PLEKHM2: variants seen among roughly 807,000 people sequenced by gnomAD.
The protein encoded by PLEKHM2 is pleckstrin homology domain-containing family M member 2.
A neutral mutation model predicts 116.3 loss-of-function variants in PLEKHM2; 77 were observed. The observed-to-expected ratio is 0.66, with a 90% CI of 0.55 to 0.80. The LOEUF (loss-of-function observed/expected upper bound fraction) is 0.80. PLEKHM2 is among the 30% of genes least tolerant of loss of function. The pLI is 0.00. For synonymous variants in PLEKHM2, 562 were observed against 571.0 expected, an observed-to-expected ratio of 0.98 and a Z score of 0.22; for missense variants, 1,183 against 1,354.9, an observed-to-expected ratio of 0.87 and a Z score of 1.99.
chr1:15,733,396 C>A (rs556418729), intron 19 of PLEKHM2, among the ~76,000 whole-genome samples: 2 of 152,352 alleles, frequency 1.3e-5, no homozygotes, highest in African/African-American at 4.8e-5. Flanking sequence ...GGCTGAGTGC[C>A]AGTGTGGGAG....
At chr1:15,689,913 C>T (rs1435121539) in intron 1 of PLEKHM2, among the ~76,000 whole-genome samples, 2 of 152,152 alleles carry the variant, frequency 1.3e-5, no homozygotes, top group South Asian at 2.1e-4. Context: ...TGAGCCACTA[C>T]GCCTGGCTAA....
chr1:15,733,527 A>G (rs1480632963), intron 19 of PLEKHM2, among the ~76,000 whole-genome samples: 3 of 152,188 alleles, frequency 2.0e-5, no homozygotes, highest in Admixed American at 6.5e-5. Context: ...TGCAGAGCCA[A>G]ACAGAGTGCA....
In PLEKHM2 at chr1:15,732,447, G is replaced by A. The variant is rs1388614046; in HGVS notation, c.2723G>A (p.Ser908Asn). The change falls in exon 18 of 20, where the codon AGC becomes AAC. Residue 908 changes from serine (S) to asparagine (N), a missense_variant. By Grantham distance (46) the Ser-to-Asn change is conservative (BLOSUM62 1). This residue lies in a region of PLEKHM2 where 594 missense variants were observed against 720.1 expected (regional missense o/e 0.82). Coordinates refer to ENST00000375799, the MANE Select transcript of PLEKHM2 (RefSeq NM_015164.4). The part of the protein sequence containing the change: ...LFTCHEDCQT[S>N]FFRSLGTAKL... Reference sequence around the variant, plus strand: ...ACGTGCCATGAGGATTGCCAGACCAGCTTCTTCCGCTCTTTGGGCACAGCC... The same window carrying A: ...ACGTGCCATGAGGATTGCCAGACCAACTTCTTCCGCTCTTTGGGCACAGCC... 16 of 1,596,070 alleles carry A rather than the reference G, an allele frequency of 1.0e-5. No homozygotes were observed. The highest frequency in any genetic ancestry group is 1.4e-5 in the Non-Finnish European group (16 of 1,171,750).
Position 15,714,036 on chromosome 1 carries a change from A to C in PLEKHM2, c.61-2201A>C, listed in dbSNP as rs1198422163. On this transcript the variant is annotated intron_variant, in intron 1 of 19. Coordinates refer to ENST00000375799, the MANE Select transcript of PLEKHM2 (RefSeq NM_015164.4). The stretch of plus-strand genomic sequence containing the variant: ...AGCTCACTGCAACCTCTGCTTCCTG[A>C]GTTCAAGCAATTCTCCTTCCTCAGC... 2.7e-5 allele frequency among the ~76,000 whole-genome samples: 4 copies of C among 149,850 alleles called. No individual in the cohort carries two copies. In the East Asian group the frequency reaches 5.9e-4, roughly 22 times the overall value.
At chr1:15,683,893 C>T (rs538724487), upstream of PLEKHM2, among the ~76,000 whole-genome samples, 82 of 109,282 alleles carry the variant, frequency 7.5e-4, 1 homozygote, top group Middle Eastern at 0.018. Flanking sequence ...TCTCTGGGGT[C>T]CCTGAGGGAA....
At chr1:15,703,614 C>G (rs1641162322) in intron 1 of PLEKHM2, among the ~76,000 whole-genome samples, 1 of 152,208 alleles carries the variant, frequency 6.6e-6, no homozygotes, top group Admixed American at 6.5e-5. Context: ...GGAAGGATTT[C>G]TTCGTATCAA....
chr1:15,717,868 C>T (rs762983914), intron 3 of PLEKHM2, 25 bp from the exon 4 acceptor site: 62 of 1,492,502 alleles, frequency 4.2e-5, no homozygotes, highest in East Asian at 1.4e-4. Flanking sequence ...GCCTTCCTGC[C>T]GGTTACTCCT....
In PLEKHM2 at chr1:15,717,998, T is replaced by A; in HGVS notation, c.377+6T>A. ...CTGCATAAGTACTACGTCAAGTGAG[T>A]GTCTGGGACGGTCTGTCTCCCCTAG... On this transcript the variant is annotated splice_donor_region_variant and intron_variant, in intron 4 of 19. Transcript: ENST00000375799. 6.4e-7 allele frequency: 1 copy of A among 1,559,756 alleles called. No homozygotes were observed. Among genetic ancestry groups the A allele is most frequent in the Non-Finnish European group, 8.7e-7 (1 of 1,144,148 alleles).
intron 1 of PLEKHM2, among the ~76,000 whole-genome samples, chr1:15,687,323 G>A (rs1356161503): frequency 1.3e-5 from 2 of 151,674 alleles, no homozygotes; most frequent in Middle Eastern, 3.2e-3. Flanking sequence ...ACAGGCGCCC[G>A]CCACTATGCC....
intron 8 of PLEKHM2, 185 bp downstream of exon 8, chr1:15,725,730 G>A: frequency 1.7e-6 from 1 of 587,716 alleles, no homozygotes; most frequent in South Asian, 2.1e-5. Context: ...GTCCTAGTCA[G>A]CTCGGCTGCT....
At chr1:15,697,143 G>A (rs543173850) in intron 1 of PLEKHM2, among the ~76,000 whole-genome samples, 1 of 152,290 alleles carries the variant, frequency 6.6e-6, no homozygotes, top group East Asian at 1.9e-4. Flanking sequence ...TTAAAATGAG[G>A]CTTTGAAAAA....
At chr1:15,683,538 G>A (rs187067119), upstream of PLEKHM2, among the ~76,000 whole-genome samples, 157 of 150,148 alleles carry the variant, frequency 1.0e-3, 1 homozygote, top group East Asian at 0.022. Context: ...CTGTGGGGTC[G>A]GAGTCTCCAG....
In PLEKHM2 at chr1:15,716,731, C is replaced by T; in HGVS notation, c.192C>T (p.Tyr64=). The T allele has an allele frequency of 1.3e-6, 2 of 1,575,422 alleles. No individual in the cohort carries two copies. The highest frequency in any genetic ancestry group is 1.7e-6 in the Non-Finnish European group (2 of 1,160,250). Residue 64 remains tyrosine, a synonymous_variant, in exon 3 of 20, where the codon TAC becomes TAT. Transcript: ENST00000375799. ...LYGLQDLSSG[Y]WVLVVHFTRR... ...GACTGCAAGACCTCTCCTCTGGCTACTGGGTGCTCGTGGTGCATTTTACTC... is the reference window on the plus strand; with the variant it reads ...GACTGCAAGACCTCTCCTCTGGCTATTGGGTGCTCGTGGTGCATTTTACTC...
At chr1:15,686,346 A>G (rs892300385) in intron 1 of PLEKHM2, among the ~76,000 whole-genome samples, 1 of 152,192 alleles carries the variant, frequency 6.6e-6, no homozygotes, top group African/African-American at 2.4e-5. Flanking sequence ...CAGCTGCCTG[A>G]TTGAATCCCC....
At position 15,727,167 on chromosome 1, in the gene PLEKHM2, A is replaced by G. The variant is rs764082774; in HGVS notation, c.1095A>G (p.Pro365=). The change falls in exon 9 of 20, where the codon CCA becomes CCG. Residue 365 remains proline (P), a synonymous_variant. Coordinates refer to ENST00000375799, the MANE Select transcript of PLEKHM2 (RefSeq NM_015164.4). This position sits in a 1 kb window ranked among gnomAD's most constrained non-coding sequence, Gnocchi z 7.5. ...NGSPSLGRDS[P]DTMLASPQEE... is the part of the protein sequence containing the mutation. ...GCCCAAGCCTTGGGCGGGACTCGCC[A>G]GACACTATGCTTGCCTCCCCCCAGG... The G allele has an allele frequency of 5.0e-6, 8 of 1,602,740 alleles. 1 individual carries two copies. The highest frequency in any genetic ancestry group is 3.3e-5 in the South Asian group (3 of 89,756).
chr1:15,730,832 G>GA (rs2068132789), intron 15 of PLEKHM2, 110 bp downstream of exon 15: 1 of 846,780 alleles, frequency 1.2e-6, no homozygotes, highest in Non-Finnish European at 1.8e-6. Flanking sequence ...GCAGCCTGAG[G>GA]AGAGGACGCC....
intron 14 of PLEKHM2, 132 bp downstream of exon 14, chr1:15,730,061 GGGGCGGGGCGGGGC>G: frequency 2.9e-6 from 1 of 339,960 alleles, no homozygotes; most frequent in Non-Finnish European, 5.2e-6. Flanking sequence ...GGGGCGGGGC[GGGGCGGGGCGGGGC>G]GGGGCTTTCC....
intron 1 of PLEKHM2, among the ~76,000 whole-genome samples, chr1:15,698,549 CTTTTTT>C (rs564918055): frequency 2.7e-5 from 3 of 111,224 alleles, no homozygotes; most frequent in Non-Finnish European, 5.4e-5. Flanking sequence ...TTCTTTCTTT[CTTTTTT>C]TTTTTTTTTT....
rs992724404 is a variant in PLEKHM2, at chr1:15,728,028, C to G, written c.1761-51C>G. ...CTGGCTCTGGGGTGGGGTGTGGCCT[C>G]TCTCACCGCTGCCTGCCTGACATCT... On this transcript the variant is annotated intron_variant, in intron 9 of 19. Coordinates refer to ENST00000375799, the MANE Select transcript of PLEKHM2 (RefSeq NM_015164.4). The surrounding 1 kb of genome is among the most constrained non-coding windows in gnomAD (Gnocchi z 5.9). The G allele has an allele frequency of 2.0e-6, 3 of 1,481,580 alleles. No homozygotes were observed. The South Asian group carries it at 3.6e-5, about 18-fold the overall frequency. The allele number at this position is 1,481,580 out of a possible 1,614,324, so 91.8% of individuals were successfully genotyped here.
Sources: gnomAD v4.1 joint callset for allele counts (sites outside exome capture counted in the v4.1 genomes callset) on GRCh38, gnomAD v4.1.1 for gene constraint, gnomAD v4.1.1 regional missense constraint, Gnocchi (gnomAD v3.1) non-coding constraint, MANE v1.5 for transcripts, NCBI Gene and HGNC (gene_info 2026-07-23, HGNC 2026-07-21) for gene names.